The following IARS2 variants were observed in gnomAD, a reference collection of about 807,000 sequenced individuals.
The protein encoded by IARS2 is isoleucine--tRNA ligase, mitochondrial.
IARS2 carries 56 observed loss-of-function variants against 126.3 expected under a neutral mutation model. That is an observed-to-expected ratio of 0.44 (90% CI 0.36 to 0.55). The LOEUF (loss-of-function observed/expected upper bound fraction) is 0.55, where lower values mean the gene tolerates loss of function less well. IARS2 is among the 20% of genes least tolerant of loss of function. The pLI is 0.00. For missense variants in IARS2, 1,127 were observed against 1,245.9 expected (o/e 0.90, Z 1.44); for synonymous variants, 407 against 441.1 (o/e 0.92, Z 0.97).
Position 220,103,467 on chromosome 1 carries a change from C to T in IARS2, c.971C>T (p.Ser324Phe). 1 of 1,609,006 alleles carries T rather than the reference C, an allele frequency of 6.2e-7. No individual in the cohort carries two copies. ...PESKYAVVKC[S>F]KSGDLYVLAA... ...GTTAGGTATGCTGTTGTGAAATGTTCTAAGTCTGGAGACCTCTACGTACTG... is the reference window on the plus strand; with the variant it reads ...GTTAGGTATGCTGTTGTGAAATGTTTTAAGTCTGGAGACCTCTACGTACTG... Residue 324 changes from serine (S) to phenylalanine (F), a missense_variant, in exon 8 of 23, where the codon TCT (serine) becomes TTT (phenylalanine). Physicochemically the swap from Ser to Phe is radical, Grantham distance 155. Coordinates refer to ENST00000366922, the MANE Select transcript of IARS2 (RefSeq NM_018060.4).
At chr1:220,145,405 G>T in intron 21 of IARS2, 104 bp from the exon 22 acceptor site, 1 of 1,001,730 alleles carries the variant, frequency 1.0e-6, no homozygotes, top group Non-Finnish European at 1.4e-6. Context: ...TGGTATACCA[G>T]AAGGTTCCTC....
intron 14 of IARS2, among the ~76,000 whole-genome samples, chr1:220,131,793 ATT>A (rs34917733): frequency 0.073 from 8,760 of 120,264 alleles, 291 homozygotes; most frequent in South Asian, 0.14. Context: ...GCCACGTTGA[ATT>A]TTTTTTTTTT....
chr1:220,120,888 C>T (rs1476280418), intron 12 of IARS2, among the ~76,000 whole-genome samples: 1 of 152,048 alleles, frequency 6.6e-6, no homozygotes, highest in East Asian at 1.9e-4. Flanking sequence ...GAACATAATG[C>T]TTACTAAAGT....
At chr1:220,098,714 T>C (rs1656503071) in intron 2 of IARS2, among the ~76,000 whole-genome samples, 1 of 152,126 alleles carries the variant, frequency 6.6e-6, no homozygotes, top group African/African-American at 2.4e-5. Context: ...GGAACTTTTT[T>C]TGGGGAGAAG....
At chr1:220,113,446 T>A (rs1256597165) in intron 11 of IARS2, among the ~76,000 whole-genome samples, 3 of 152,188 alleles carry the variant, frequency 2.0e-5, no homozygotes, top group Non-Finnish European at 4.4e-5. Context: ...ATAGAAAGAT[T>A]TTTTAAAATG....
chr1:220,110,816 T>A lies in IARS2; in HGVS notation c.1358T>A (p.Leu453Ter). The A allele has an allele frequency of 6.2e-7, 1 of 1,611,628 alleles. No individual in the cohort carries two copies. The highest frequency in any genetic ancestry group is 8.5e-7 in the Non-Finnish European group (1 of 1,178,486). Reference protein sequence around the residue: ...VIKMLQTAKNLLKEEKLVHSY... With the variant: ...VIKMLQTAKN ...AAGATGCTTCAGACTGCAAAGAATT[T>A]GTTGAAAGAGGAGAAATTGGTGCAT... The change falls in exon 11 of 23, where the codon TTG (leucine) becomes TAG (stop). Residue 453 changes from leucine (L) to a stop codon, truncating the protein, a stop_gained. Coordinates refer to ENST00000366922, the MANE Select transcript of IARS2 (RefSeq NM_018060.4). LOFTEE classifies it high-confidence loss of function.
intron 15 of IARS2, 115 bp from the exon 16 acceptor site, chr1:220,136,694 C>A: frequency 1.1e-5 from 5 of 470,802 alleles, no homozygotes; most frequent in South Asian, 4.0e-5. Context: ...CATAATCAGT[C>A]AAGAAAAATC....
At chr1:220,122,334 A>G (rs976539477) in intron 12 of IARS2, among the ~76,000 whole-genome samples, 1 of 152,182 alleles carries the variant, frequency 6.6e-6, no homozygotes, top group African/African-American at 2.4e-5. Flanking sequence ...CTGTGTCAAC[A>G]CACTAATCTC....
chr1:220,100,404 C>A (rs1283353283), intron 2 of IARS2, 86 bp from the exon 3 acceptor site: 8 of 1,117,870 alleles, frequency 7.2e-6, no homozygotes, highest in Middle Eastern at 2.3e-4. Context: ...TGTATGAATG[C>A]TAATTATCAT....
At chr1:220,126,641 T>G (rs919964434) in intron 13 of IARS2, 109 bp from the exon 14 acceptor site, 3 of 772,928 alleles carry the variant, frequency 3.9e-6, no homozygotes, top group Non-Finnish European at 4.4e-6. Context: ...CATCTAAAAA[T>G]GTGAACTTCA....
chr1:220,133,102 C>T (rs1657303601), intron 14 of IARS2, among the ~76,000 whole-genome samples: 1 of 151,854 alleles, frequency 6.6e-6, no homozygotes, highest in African/African-American at 2.4e-5. Flanking sequence ...CCTCCACCTC[C>T]CAGGTTCAAG....
At chr1:220,121,621 T>A (rs555169521) in intron 12 of IARS2, among the ~76,000 whole-genome samples, 22 of 152,292 alleles carry the variant, frequency 1.4e-4, no homozygotes, top group East Asian at 3.9e-4. Context: ...TTATTTTTTT[T>A]AAAATAGATG....
intron 22 of IARS2, among the ~76,000 whole-genome samples, 153 bp from the exon 23 acceptor site, chr1:220,147,340 G>A (rs1364192908): frequency 6.6e-6 from 1 of 152,096 alleles, no homozygotes; most frequent in Non-Finnish European, 1.5e-5. Context: ...CATTATCTTG[G>A]CTATATATGT....
rs1359389799 is a variant in IARS2 at position 220,112,151 on chromosome 1, G to A, written c.1479+1214G>A. ...TTTTTTTTTTTTTTTTTTTTGAGAC[G>A]GAGTCTCGCTCTGTCGCCCAGGTCG... is the stretch of plus-strand genomic sequence containing the variant. On this transcript the variant is annotated intron_variant, in intron 11 of 22. Transcript: ENST00000366922. Among the ~76,000 whole-genome samples, 2 of 46,796 alleles carry A rather than the reference G, an allele frequency of 4.3e-5. 1 individual carries two copies. The highest frequency in any genetic ancestry group is 8.0e-5 in the Non-Finnish European group (2 of 24,910). 30.7% of individuals were successfully genotyped at this position (46,796 alleles called of 152,430 possible).
chr1:220,147,291 A>G (rs1307528199), intron 22 of IARS2, among the ~76,000 whole-genome samples: 1 of 152,122 alleles, frequency 6.6e-6, no homozygotes, highest in Non-Finnish European at 1.5e-5. Flanking sequence ...CGGGGTCTCT[A>G]ATTCCTCAGC....
intron 20 of IARS2, among the ~76,000 whole-genome samples, chr1:220,142,280 C>T (rs1328212778): frequency 6.6e-6 from 1 of 152,190 alleles, no homozygotes; most frequent in East Asian, 1.9e-4. Flanking sequence ...GGGCAGATCA[C>T]TTGAGGTCAG....
rs1657431061 is a variant in IARS2, at chr1:220,138,760, G to T, written c.2176-248G>T. Reference sequence around the variant, plus strand: ...AGGTGATTTGCCCCAACGTAATAAAGAAATATAATGAAAATTCAGTCGTTA... The same window carrying T: ...AGGTGATTTGCCCCAACGTAATAAATAAATATAATGAAAATTCAGTCGTTA... On this transcript the variant is annotated intron_variant, in intron 17 of 22. Transcript: ENST00000366922. Among the ~76,000 whole-genome samples, 2 of 152,164 alleles carry T rather than the reference G, an allele frequency of 1.3e-5. 1 individual carries two copies. The highest frequency in any genetic ancestry group is 4.1e-4 in the South Asian group (2 of 4,826).
chr1:220,122,361 C>T (rs1657067293), intron 12 of IARS2, among the ~76,000 whole-genome samples: 1 of 152,160 alleles, frequency 6.6e-6, no homozygotes, highest in South Asian at 2.1e-4. Context: ...CTGCCTAGTT[C>T]CTCACTTCAT....
rs755581532 is a variant in IARS2 at position 220,136,846 on chromosome 1, G to A, written c.1984G>A (p.Gly662Arg). Residue 662 changes from glycine to arginine, a missense_variant, in exon 16 of 23, where the codon GGA (glycine) becomes AGA (arginine). By Grantham distance (125) the Gly-to-Arg change is moderately radical. Transcript: ENST00000366922. The stretch of plus-strand genomic sequence containing the variant: ...TCATGGATTTACCCTTGGAGAAAAG[G>A]GAGAAAAGATGTCCAAGTCTCTTGG... The part of the protein sequence containing the change: ...IVHGFTLGEK[G>R]EKMSKSLGNV... The A allele has an allele frequency of 6.2e-7, 1 of 1,611,636 alleles. No individual in the cohort carries two copies. Among genetic ancestry groups the A allele is most frequent in the Non-Finnish European group, 8.5e-7 (1 of 1,178,118 alleles).
Sources: gnomAD v4.1 joint callset for allele counts (sites outside exome capture counted in the v4.1 genomes callset) on GRCh38, gnomAD v4.1.1 for gene constraint, MANE v1.5 for transcripts, NCBI Gene and HGNC (gene_info 2026-07-23, HGNC 2026-07-21) for gene names.